CSMD2: variants seen among roughly 807,000 people sequenced by gnomAD.
The protein encoded by CSMD2 is CUB and Sushi multiple domains 2, also known as CUB and sushi domain-containing protein 2.
CSMD2 carries 130 observed loss-of-function variants against 398.5 expected under a neutral mutation model. The observed-to-expected ratio is 0.33, with a 90% CI of 0.28 to 0.38. The LOEUF is 0.38. CSMD2 is among the 10% of genes least tolerant of loss of function. The pLI is 1.00. For synonymous variants in CSMD2, 1,828 were observed against 1,908.5 expected (o/e 0.96, Z 1.10); for missense variants, 3,829 against 4,764.9 (o/e 0.80, Z 5.78).
At chr1:33,673,515 G>A (rs1354954355) in intron 25 of CSMD2, among the ~76,000 whole-genome samples, 1 of 152,200 alleles carries the variant, frequency 6.6e-6, no homozygotes, top group Non-Finnish European at 1.5e-5. Context: ...GGGGAGAATG[G>A]AACCAAGTTG....
At chr1:33,734,798 A>AAAAAAG (rs1353614184) in intron 15 of CSMD2, among the ~76,000 whole-genome samples, 2 of 151,706 alleles carry the variant, frequency 1.3e-5, no homozygotes, top group African/African-American at 4.8e-5. Flanking sequence ...AAAAAAAAAG[A>AAAAAAG]AAAAAGAAAA....
Position 33,658,008 on chromosome 1 carries a change from T to G in CSMD2, c.4385A>C (p.Glu1462Ala). The change falls in exon 27 of 71, where the codon GAG becomes GCG. Residue 1462 changes from glutamate to alanine, a missense_variant. Around this residue, in one of 5 missense-constraint regions of CSMD2, gnomAD observed 2,001 missense variants for 2,567.1 expected, o/e 0.78. Transcript: ENST00000373381. ...GTTCTCGATCTTCACACAGCTGATC[T>G]CTGCACTTCCCTGCAGCGCGTAGCC... ...DPGYALQGSA[E>A]ISCVKIENRF... 1.2e-6 allele frequency: 2 copies of G among 1,614,216 alleles called. No individual in the cohort carries two copies. Among genetic ancestry groups the G allele is most frequent in the Non-Finnish European group, 1.7e-6 (2 of 1,180,024 alleles).
rs1263238049 is a variant in CSMD2 at position 33,515,397 on chromosome 1, GGC to G, written c.*1225_*1226del. The G allele has an allele frequency of 6.6e-6, 1 of 152,236 alleles. No individual in the cohort carries two copies. The highest frequency in any genetic ancestry group is 1.5e-5 in the Non-Finnish European group (1 of 68,088). The allele number at this position is 152,236 out of a possible 1,614,324, so 9.4% of individuals were successfully genotyped here. ...GTGTCTTGCCTGGCTTTCCAGACCT[GGC>G]CACAGTGCTACTGTAGAGATTCATC... On this transcript the variant is annotated 3_prime_UTR_variant, in exon 71 of 71. Coordinates refer to ENST00000373381, the MANE Select transcript of CSMD2 (RefSeq NM_001281956.2).
intron 3 of CSMD2, among the ~76,000 whole-genome samples, chr1:34,013,234 C>G (rs553008531): frequency 1.9e-4 from 29 of 152,304 alleles, no homozygotes; most frequent in Admixed American, 1.8e-3. Flanking sequence ...ATCCATCGTT[C>G]CCTGGGCAAT....
In CSMD2 at chr1:33,533,186, G is replaced by A. The variant is rs745770891; in HGVS notation, c.10035C>T (p.Val3345=). 1.9e-5 allele frequency: 30 copies of A among 1,613,872 alleles called. No individual in the cohort carries two copies. The highest frequency in any genetic ancestry group is 3.3e-4 in the Middle Eastern group (2 of 6,084). ...RQPETPTHAN[V]GALDLPSMGY... ...CCATGGAGGGCAAATCCAGGGCCCC[G>A]ACGTTGGCATGCGTTGGCGTCTCTG... The change falls in exon 64 of 71, where the codon GTC becomes GTT. Residue 3345 remains valine, a synonymous_variant. Coordinates refer to ENST00000373381, the MANE Select transcript of CSMD2 (RefSeq NM_001281956.2). This position sits in a 1 kb window ranked among gnomAD's most constrained non-coding sequence, Gnocchi z 4.2.
intron 3 of CSMD2, among the ~76,000 whole-genome samples, chr1:34,013,567 G>A (rs996977110): frequency 6.6e-6 from 1 of 152,164 alleles, no homozygotes; most frequent in African/African-American, 2.4e-5. Context: ...GCCAGGGGCG[G>A]TACTGTTCTT....
At chr1:33,701,749 G>A (rs533669884) in intron 22 of CSMD2, among the ~76,000 whole-genome samples, 17 of 152,304 alleles carry the variant, frequency 1.1e-4, no homozygotes, top group African/African-American at 4.1e-4. Flanking sequence ...GAATTCTGGG[G>A]TTCCAACAGA....
chr1:33,562,407 C>G (rs1658652846), intron 53 of CSMD2, among the ~76,000 whole-genome samples: 1 of 152,212 alleles, frequency 6.6e-6, no homozygotes, highest in Non-Finnish European at 1.5e-5. Flanking sequence ...GATTCCTGCT[C>G]TGCAGCTCTT....
At chr1:33,906,196 G>T (rs570445289) in intron 5 of CSMD2, among the ~76,000 whole-genome samples, 1 of 152,302 alleles carries the variant, frequency 6.6e-6, no homozygotes, top group South Asian at 2.1e-4. Flanking sequence ...GAGTTTTAGG[G>T]TTAATAAAAT....
chr1:33,608,264 C>T (rs1403878566), intron 41 of CSMD2, among the ~76,000 whole-genome samples: 2 of 152,142 alleles, frequency 1.3e-5, no homozygotes, highest in East Asian at 1.9e-4. Context: ...CAAGTGGGCT[C>T]ATCACACGGG....
At chr1:33,707,695 GCACACACACACACACACACACA>G (rs200504764) in intron 22 of CSMD2, among the ~76,000 whole-genome samples, 220 of 92,088 alleles carry the variant, frequency 2.4e-3, no homozygotes, top group South Asian at 6.3e-3. Flanking sequence ...GCGCGCGCGC[GCACACACACACACACACACACA>G]CACACACACA....
chr1:33,529,883 T>C (rs112712489), intron 64 of CSMD2, among the ~76,000 whole-genome samples: 2,642 of 152,292 alleles, frequency 0.017, 79 homozygotes, highest in African/African-American at 0.058. Context: ...ATGTACCTTA[T>C]AAAGGCCTTG....
intron 25 of CSMD2, among the ~76,000 whole-genome samples, chr1:33,673,206 A>C (rs1168658123): frequency 6.6e-6 from 1 of 152,122 alleles, no homozygotes; most frequent in Non-Finnish European, 1.5e-5. Flanking sequence ...AGAAGTTAAA[A>C]ACCTTGAAAA....
chr1:33,672,739 G>C (rs1180942638), intron 25 of CSMD2, among the ~76,000 whole-genome samples: 2 of 152,180 alleles, frequency 1.3e-5, no homozygotes, highest in Non-Finnish European at 2.9e-5. Context: ...CACCTCACAC[G>C]GCTGGGTACT....
intron 6 of CSMD2, among the ~76,000 whole-genome samples, chr1:33,842,329 T>C (rs1359878957): frequency 6.6e-6 from 1 of 152,224 alleles, no homozygotes; most frequent in African/African-American, 2.4e-5. Flanking sequence ...TTAACCATTT[T>C]CTCAATTTGG....
At chr1:34,015,574 T>G (rs1237666909) in intron 3 of CSMD2, among the ~76,000 whole-genome samples, 1 of 152,100 alleles carries the variant, frequency 6.6e-6, no homozygotes, top group Non-Finnish European at 1.5e-5. Context: ...CTCTGCAGAT[T>G]CCTGGATCAC....
At chr1:33,820,378 T>A in intron 8 of CSMD2, 91 bp downstream of exon 8, 2 of 832,576 alleles carry the variant, frequency 2.4e-6, no homozygotes. Context: ...ATCCTCTCCA[T>A]TTCCACCTGC....
intron 12 of CSMD2, among the ~76,000 whole-genome samples, chr1:33,783,766 C>G (rs1474431905): frequency 1.3e-5 from 2 of 152,070 alleles, no homozygotes; most frequent in African/African-American, 4.8e-5. Flanking sequence ...CTGTGCCCCC[C>G]AAAAAGACGT....
At chr1:33,864,690 A>T (rs750104277) in intron 5 of CSMD2, 12 of 1,613,612 alleles carry the variant, frequency 7.4e-6, no homozygotes, top group Non-Finnish European at 8.5e-6. Context: ...ATGTAATGCC[A>T]GGAAGAAGTA....
Sources: gnomAD v4.1 joint callset for allele counts (sites outside exome capture counted in the v4.1 genomes callset) on GRCh38, gnomAD v4.1.1 for gene constraint, gnomAD v4.1.1 regional missense constraint, Gnocchi (gnomAD v3.1) non-coding constraint, MANE v1.5 for transcripts, NCBI Gene and HGNC (gene_info 2026-07-23, HGNC 2026-07-21) for gene names.